LOC400499: variants seen among roughly 807,000 people sequenced by gnomAD.
At chr16:11,373,638 G>T in the LOC400499 span, among the ~76,000 whole-genome samples, 28 of 151,212 alleles carry the variant, frequency 1.9e-4, 1 homozygote, top group Non-Finnish European at 3.2e-4. Context: ...TATATTTTTT[G>T]AGATGGAGTC....
At chr16:11,421,920 T>C in the LOC400499 span, among the ~76,000 whole-genome samples, 1 of 152,230 alleles carries the variant, frequency 6.6e-6, no homozygotes, top group African/African-American at 2.4e-5. Context: ...AAAACGGTTT[T>C]ACATTATTAC....
the LOC400499 span, chr16:11,456,872 C>T: frequency 1.6e-5 from 24 of 1,536,270 alleles, no homozygotes; most frequent in Middle Eastern, 1.7e-4. Context: ...CCCACTTCCA[C>T]AGGGTGGCCC....
chr16:11,412,711 C>T, the LOC400499 span: 1 of 396,344 alleles, frequency 2.5e-6, no homozygotes, highest in South Asian at 1.4e-4. Flanking sequence ...CTCTCTGAGC[C>T]TCCCTGCCCT....
At chr16:11,415,195 A>G in the LOC400499 span, among the ~76,000 whole-genome samples, 1 of 152,304 alleles carries the variant, frequency 6.6e-6, no homozygotes, top group African/African-American at 2.4e-5. Flanking sequence ...CCTACAGAAC[A>G]GGAGATTTTG....
chr16:11,392,504 G>A, the LOC400499 span: 1 of 398,872 alleles, frequency 2.5e-6, no homozygotes, highest in Non-Finnish European at 4.4e-6. Context: ...TCTGCCCCCT[G>A]GAGCCAGAAA....
chr16:11,456,259 G>C, the LOC400499 span, among the ~76,000 whole-genome samples: 6 of 152,182 alleles, frequency 3.9e-5, no homozygotes, highest in Non-Finnish European at 8.8e-5. Flanking sequence ...TGGCCAGGCT[G>C]ATCTTGAACT....
chr16:11,462,849 G>A, the LOC400499 span, among the ~76,000 whole-genome samples: 1 of 152,140 alleles, frequency 6.6e-6, no homozygotes, highest in Non-Finnish European at 1.5e-5. Context: ...AGGAACTTGA[G>A]TCAACTGTCC....
At chr16:11,500,175 A>T in the LOC400499 span, among the ~76,000 whole-genome samples, 1 of 152,132 alleles carries the variant, frequency 6.6e-6, no homozygotes, top group African/African-American at 2.4e-5. Context: ...TCCTCACTAT[A>T]AGACCAGGAT....
At chr16:11,423,202 C>A in the LOC400499 span, 1 of 399,332 alleles carries the variant, frequency 2.5e-6, no homozygotes, top group Non-Finnish European at 4.4e-6. Flanking sequence ...CCAGCGATGT[C>A]CCCTCGGCAC....
At chr16:11,387,609 C>T in the LOC400499 span, among the ~76,000 whole-genome samples, 2 of 150,732 alleles carry the variant, frequency 1.3e-5, no homozygotes, top group African/African-American at 4.9e-5. Flanking sequence ...TGTGGGGATG[C>T]CGAGGACAGG....
chr16:11,392,697 GCAGT>G, the LOC400499 span: 2 of 847,894 alleles, frequency 2.4e-6, no homozygotes, highest in Non-Finnish European at 2.8e-6. Flanking sequence ...CCCCGACACG[GCAGT>G]CAGTTAGGGA....
chr16:11,395,524 G>A, the LOC400499 span, among the ~76,000 whole-genome samples: 3 of 152,190 alleles, frequency 2.0e-5, no homozygotes, highest in Admixed American at 6.5e-5. Flanking sequence ...ACCTTGGAAG[G>A]AGAAACTCCT....
chr16:11,390,485 C>T, the LOC400499 span: 2 of 1,235,034 alleles, frequency 1.6e-6, no homozygotes, highest in Non-Finnish European at 2.0e-6. Flanking sequence ...AGCCACCACC[C>T]ACCATGAGAC....
chr16:11,382,009 C>A, the LOC400499 span, among the ~76,000 whole-genome samples: 1 of 151,462 alleles, frequency 6.6e-6, no homozygotes, highest in African/African-American at 2.4e-5. Context: ...GTGGCGCAAT[C>A]TCGGCTCACT....
At chr16:11,496,120 C>G in the LOC400499 span, among the ~76,000 whole-genome samples, 1 of 150,358 alleles carries the variant, frequency 6.7e-6, no homozygotes, top group Non-Finnish European at 1.5e-5. Context: ...AGGCTGGAGT[C>G]CAGTGGCACA....
chr16:11,459,613 G>C, the LOC400499 span, among the ~76,000 whole-genome samples: 1 of 152,148 alleles, frequency 6.6e-6, no homozygotes, highest in Non-Finnish European at 1.5e-5. Flanking sequence ...CCACCCTCTG[G>C]GAAAGACTAA....
chr16:11,394,183 C>T, the LOC400499 span, among the ~76,000 whole-genome samples: 2 of 152,196 alleles, frequency 1.3e-5, no homozygotes, highest in South Asian at 4.1e-4. Flanking sequence ...AGCAAGGAGA[C>T]ACGGGCACAC....
At chr16:11,473,653 G>C in the LOC400499 span, among the ~76,000 whole-genome samples, 1 of 151,942 alleles carries the variant, frequency 6.6e-6, no homozygotes, top group Non-Finnish European at 1.5e-5. Flanking sequence ...TACTTGGGAG[G>C]CTGAGGCAGA....
At chr16:11,456,067 G>A in the LOC400499 span, among the ~76,000 whole-genome samples, 3 of 148,454 alleles carry the variant, frequency 2.0e-5, no homozygotes, top group Admixed American at 6.7e-5. Context: ...TTCCTGAGGT[G>A]GAGTTTCACT....
Sources: allele counts gnomAD v4.1 joint callset (sites outside exome capture counted in the v4.1 genomes callset), GRCh38; gene constraint gnomAD v4.1.1; transcripts MANE v1.5.